Variants in FAM110B observed in about 807,000 individuals in gnomAD.
The protein encoded by FAM110B is family with sequence similarity 110 member B, also known as protein FAM110B.
Under a neutral mutation model 20.4 loss-of-function variants are expected in FAM110B, and 6 were observed. That is an observed-to-expected ratio of 0.29 (90% confidence interval 0.16 to 0.58). FAM110B has a LOEUF of 0.58. Among genes scored for constraint, FAM110B ranks in the 20% least tolerant of loss-of-function variants. FAM110B has a pLI of 0.90. For synonymous variants in FAM110B, 226 were observed against 214.1 expected (o/e 1.06, Z -0.49); for missense variants, 434 against 498.2 (o/e 0.87, Z 1.23).
chr8:58,045,591 C>G (rs1805304583), intron 2 of FAM110B, among the ~76,000 whole-genome samples: 1 of 152,012 alleles, frequency 6.6e-6, no homozygotes, highest in Non-Finnish European at 1.5e-5. Flanking sequence ...AGTTAGCCAC[C>G]CAGGTTTCAT....
At chr8:58,059,366 C>T (rs1481308304) in intron 2 of FAM110B, among the ~76,000 whole-genome samples, 2 of 152,290 alleles carry the variant, frequency 1.3e-5, no homozygotes, top group East Asian at 3.9e-4. Flanking sequence ...GTCAAAGAAG[C>T]TTTCCCATTA....
chr8:58,134,302 G>T (rs1436686220), intron 3 of FAM110B, among the ~76,000 whole-genome samples: 1 of 152,066 alleles, frequency 6.6e-6, no homozygotes, highest in Admixed American at 6.5e-5. Context: ...ATTCTACCTT[G>T]TATTCATTTC....
At chr8:57,996,130 A>C (rs1457859446) in intron 1 of FAM110B, among the ~76,000 whole-genome samples, 6 of 152,230 alleles carry the variant, frequency 3.9e-5, no homozygotes, top group African/African-American at 7.2e-5. Flanking sequence ...TCTAGAATAA[A>C]GGTGAGTTAA....
At chr8:58,095,401 C>T (rs1806597468) in intron 3 of FAM110B, among the ~76,000 whole-genome samples, 2 of 152,206 alleles carry the variant, frequency 1.3e-5, no homozygotes. Context: ...CCTCTAAACA[C>T]TGCTTTAGCT....
At chr8:58,012,234 A>G (rs549084876) in intron 1 of FAM110B, among the ~76,000 whole-genome samples, 14 of 152,240 alleles carry the variant, frequency 9.2e-5, no homozygotes, top group South Asian at 6.2e-4. Flanking sequence ...TCTAGGTACT[A>G]TAATTTTAAT....
At chr8:58,073,106 G>C (rs2150591716) in intron 2 of FAM110B, among the ~76,000 whole-genome samples, 1 of 152,298 alleles carries the variant, frequency 6.6e-6, no homozygotes, top group East Asian at 1.9e-4. Context: ...TCTCATCTAA[G>C]TGTAGTTATT....
chr8:58,122,079 CT>C (rs1585904950), intron 3 of FAM110B, among the ~76,000 whole-genome samples: 1 of 152,180 alleles, frequency 6.6e-6, no homozygotes, highest in Non-Finnish European at 1.5e-5. Context: ...TATCTTTATT[CT>C]ATCCTTCTGC....
intron 1 of FAM110B, among the ~76,000 whole-genome samples, chr8:58,021,754 G>T (rs926669718): frequency 3.3e-5 from 5 of 152,114 alleles, no homozygotes; most frequent in Non-Finnish European, 5.9e-5. Context: ...ATGGTTAAAG[G>T]TGTATATTTT....
At chr8:58,145,238 A>G (rs1238591100) in intron 3 of FAM110B, among the ~76,000 whole-genome samples, 1 of 152,128 alleles carries the variant, frequency 6.6e-6, no homozygotes, top group African/African-American at 2.4e-5. Flanking sequence ...GTGGAACTCC[A>G]TACACATTTG....
At chr8:58,024,693 A>G (rs1804820017) in intron 1 of FAM110B, among the ~76,000 whole-genome samples, 1 of 152,124 alleles carries the variant, frequency 6.6e-6, no homozygotes, top group African/African-American at 2.4e-5. Context: ...TCCTTTGCCC[A>G]CTTTTTTATA....
chr8:58,066,055 T>G (rs1016112783), intron 2 of FAM110B, among the ~76,000 whole-genome samples: 3 of 152,156 alleles, frequency 2.0e-5, no homozygotes, highest in African/African-American at 7.2e-5. Flanking sequence ...GGCCCCAGCA[T>G]GAGAGTCCTA....
intron 3 of FAM110B, among the ~76,000 whole-genome samples, chr8:58,084,629 G>A (rs773184751): frequency 6.6e-6 from 1 of 152,006 alleles, no homozygotes; most frequent in Non-Finnish European, 1.5e-5. Flanking sequence ...ACCGTGTGAT[G>A]CTCCCACCTC....
At chr8:58,101,190 A>AT (rs1806771946) in intron 3 of FAM110B, among the ~76,000 whole-genome samples, 1 of 151,978 alleles carries the variant, frequency 6.6e-6, no homozygotes, top group Non-Finnish European at 1.5e-5. Context: ...AAAAAAAAAA[A>AT]CCTGTTTACT....
chr8:58,048,292 A>AT (rs558093142), intron 2 of FAM110B, among the ~76,000 whole-genome samples: 14 of 151,716 alleles, frequency 9.2e-5, no homozygotes, highest in East Asian at 3.9e-4. Context: ...GGTGGTCCTG[A>AT]TTTTTTTTTA....
chr8:58,058,784 A>T (rs908965165), intron 2 of FAM110B, among the ~76,000 whole-genome samples: 3 of 152,230 alleles, frequency 2.0e-5, no homozygotes, highest in Non-Finnish European at 4.4e-5. Flanking sequence ...AAAACTTTAT[A>T]GTAATACCAT....
chr8:58,085,811 A>T (rs149140536), intron 3 of FAM110B, among the ~76,000 whole-genome samples: 2 of 152,332 alleles, frequency 1.3e-5, no homozygotes, highest in East Asian at 3.9e-4. Flanking sequence ...CCCCCACTGC[A>T]GTTCTTGGGC....
chr8:58,071,834 G>A (rs1022826064), intron 2 of FAM110B, among the ~76,000 whole-genome samples: 10 of 152,222 alleles, frequency 6.6e-5, no homozygotes, highest in Non-Finnish European at 1.3e-4. Flanking sequence ...TCAGGTTTTA[G>A]ACACCTTGTG....
intron 2 of FAM110B, among the ~76,000 whole-genome samples, chr8:58,074,182 C>G (rs1405715914): frequency 6.6e-6 from 1 of 152,200 alleles, no homozygotes; most frequent in Non-Finnish European, 1.5e-5. Flanking sequence ...GGACAGGAAA[C>G]AATTCTCCTC....
chr8:58,058,333 A>AG (rs142780158), intron 2 of FAM110B, among the ~76,000 whole-genome samples: 49,351 of 133,180 alleles, frequency 0.37, 8,914 homozygotes, highest in Non-Finnish European at 0.43. Flanking sequence ...AGAGACAAAA[A>AG]GGAAAAAAAA....
Sources: allele counts gnomAD v4.1 joint callset (sites outside exome capture counted in the v4.1 genomes callset), GRCh38; gene constraint gnomAD v4.1.1; transcripts MANE v1.5; gene names NCBI Gene and HGNC (gene_info 2026-07-23, HGNC 2026-07-21).